The following DNAJA2 variants were observed in gnomAD, a reference collection of about 807,000 sequenced individuals.
DNAJA2 encodes dnaJ homolog subfamily A member 2.
Under a neutral mutation model 49.3 loss-of-function variants are expected in DNAJA2, and 6 were observed. The observed-to-expected ratio is 0.12, with a 90% CI of 0.07 to 0.24. The LOEUF is 0.24. Ranked by LOEUF, DNAJA2 falls within the 10% of genes least tolerant of loss-of-function variation. The pLI is 1.00. For synonymous variants in DNAJA2, 160 were observed against 172.7 expected, an observed-to-expected ratio of 0.93 and a Z score of 0.58; for missense variants, 347 against 516.8, an observed-to-expected ratio of 0.67 and a Z score of 3.19.
At position 46,971,724 on chromosome 16, in the gene DNAJA2, G is replaced by T. The variant is rs772840072; in HGVS notation, c.139-152C>A. 3.3e-5 allele frequency: 26 copies of T among 781,456 alleles called. No individual in the cohort carries two copies. In the African/African-American group the frequency reaches 4.3e-4, roughly 13 times the overall value. 48.4% of individuals were successfully genotyped at this position (781,456 alleles called of 1,614,324 possible). A position where few individuals can be genotyped will look rare whatever the true frequency, so the allele number is the denominator to read the frequency against. ...ATTCTGGTTCTATTTACCACCCACC[G>T]CTCCTCAGAATGGTAGTACTCTTAT... On this transcript the variant is annotated intron_variant, in intron 2 of 8. Coordinates refer to ENST00000317089, the MANE Select transcript of DNAJA2 (RefSeq NM_005880.4).
At chr16:46,959,216 A>G in intron 7 of DNAJA2, 59 bp downstream of exon 7, 3 of 1,581,950 alleles carry the variant, frequency 1.9e-6, no homozygotes, top group Non-Finnish European at 2.6e-6. Context: ...AAAAAATTAC[A>G]AATTGTAATT....
At position 46,973,598 on chromosome 16, in the gene DNAJA2, G is replaced by A. The variant is rs751896915; in HGVS notation, c.-26C>T. 6.9e-6 allele frequency: 11 copies of A among 1,588,668 alleles called. No homozygotes were observed. The highest frequency in any genetic ancestry group is 1.7e-5 in the Admixed American group (1 of 58,594). On this transcript the variant is annotated 5_prime_UTR_variant, in exon 1 of 9. Coordinates refer to ENST00000317089, the MANE Select transcript of DNAJA2 (RefSeq NM_005880.4). ...GGCGGCCGGCCGGGCAGTGCTCGGGGAGAAGGTGGCGAAGCAGACAGAGCG... is the reference window on the plus strand; with the variant it reads ...GGCGGCCGGCCGGGCAGTGCTCGGGAAGAAGGTGGCGAAGCAGACAGAGCG...
rs1201760050 is a variant in DNAJA2, at chr16:46,955,433, G to C, written c.*1596C>G. 6.6e-6 allele frequency: 1 copy of C among 152,188 alleles called. No individual in the cohort carries two copies. The highest frequency in any genetic ancestry group is 1.5e-5 in the Non-Finnish European group (1 of 68,030). The allele number at this position is 152,188 out of a possible 1,614,324, so 9.4% of individuals were successfully genotyped here. A position where few individuals can be genotyped will look rare whatever the true frequency, so the allele number is the denominator to read the frequency against. The stretch of plus-strand genomic sequence containing the variant: ...CCACCACATTTCTTATGTTTAAAGT[G>C]GTTGTGGGGAAGTAACCTTGGATAC... On this transcript the variant is annotated 3_prime_UTR_variant, in exon 9 of 9. Transcript: ENST00000317089.
At chr16:46,965,036 AGT>A (rs1961949318) in intron 5 of DNAJA2, among the ~76,000 whole-genome samples, 1 of 152,092 alleles carries the variant, frequency 6.6e-6, no homozygotes, top group South Asian at 2.1e-4. Context: ...CTAGCAACAC[AGT>A]GAGACCTTGC....
rs1961862603 is a variant in DNAJA2 at position 46,959,329 on chromosome 16, G to A, written c.865C>T (p.Leu289Phe). ...TTCACCACAATCTGACGTCCATCAA[G>A]GTGCTTAAATGTGAACTGAAATCCA... ...LCGFQFTFKHLDGRQIVVKYP... is the reference protein window; with the variant it reads ...LCGFQFTFKHFDGRQIVVKYP... Residue 289 changes from leucine to phenylalanine, a missense_variant, in exon 7 of 9, where the codon CTT (leucine) becomes TTT (phenylalanine). By Grantham distance (22) the Leu-to-Phe change is conservative. Coordinates refer to ENST00000317089, the MANE Select transcript of DNAJA2 (RefSeq NM_005880.4). 6.2e-7 allele frequency: 1 copy of A among 1,613,920 alleles called. No individual in the cohort carries two copies. The highest frequency in any genetic ancestry group is 1.1e-5 in the South Asian group (1 of 91,072).
chr16:46,965,816 G>A (rs1961961170), intron 5 of DNAJA2, among the ~76,000 whole-genome samples: 2 of 144,906 alleles, frequency 1.4e-5, no homozygotes, highest in South Asian at 4.3e-4. Context: ...GGGCAACAGA[G>A]CAAGACTCCG....
At chr16:46,970,457 A>T (rs1281989773) in intron 3 of DNAJA2, among the ~76,000 whole-genome samples, 1 of 152,232 alleles carries the variant, frequency 6.6e-6, no homozygotes, top group Non-Finnish European at 1.5e-5. Flanking sequence ...CTTCAAAGAA[A>T]ATAGGCTGGG....
rs1311194799 is a variant in DNAJA2, at chr16:46,957,018, G to GT, written c.*10dup. 1 of 1,613,998 alleles carries GT rather than the reference G, an allele frequency of 6.2e-7. No individual in the cohort carries two copies. The highest frequency in any genetic ancestry group is 1.3e-5 in the African/African-American group (1 of 74,926). On this transcript the variant is annotated 3_prime_UTR_variant, in exon 9 of 9. Coordinates refer to ENST00000317089, the MANE Select transcript of DNAJA2 (RefSeq NM_005880.4). ...GAAAGAAAATCCACCTGTGCAATTT[G>GT]TTTGCAGAGTTTACTGATGGGCACA... is the stretch of plus-strand genomic sequence containing the variant.
At position 46,971,939 on chromosome 16, in the gene DNAJA2, GCTAA is replaced by G; in HGVS notation, c.91_94del (p.Leu31ProfsTer19). On this transcript the variant is annotated frameshift_variant, in exon 2 of 9. Transcript: ENST00000317089. LOFTEE classifies it high-confidence loss of function. ...ATTCTTATCAGGATGATATTCCTTGGCTAACTTTCTGTATGCCTTTGAAAATGGA... is the reference window on the plus strand; with the variant it reads ...ATTCTTATCAGGATGATATTCCTTGGCTTTCTGTATGCCTTTGAAAATGGA... 6.2e-7 allele frequency: 1 copy of G among 1,612,374 alleles called. No homozygotes were observed. Among genetic ancestry groups the G allele is most frequent in the Non-Finnish European group, 8.5e-7 (1 of 1,178,820 alleles).
chr16:46,961,625 C>T (rs933168259), intron 6 of DNAJA2, among the ~76,000 whole-genome samples: 3 of 151,120 alleles, frequency 2.0e-5, no homozygotes, highest in Non-Finnish European at 4.4e-5. Context: ...ATACACATCA[C>T]GTTCTTGTAC....
chr16:46,959,657 G>A (rs545733082), intron 6 of DNAJA2: 2 of 432,410 alleles, frequency 4.6e-6, no homozygotes, highest in South Asian at 7.3e-5. Context: ...ATATATAAGA[G>A]CAACAGAACT....
At chr16:46,973,385 C>T in intron 1 of DNAJA2, 110 bp downstream of exon 1, 4 of 1,022,296 alleles carry the variant, frequency 3.9e-6, no homozygotes, top group Non-Finnish European at 5.0e-6. Flanking sequence ...GGGCCAGTCA[C>T]GGCCGGCGCC....
Position 46,956,005 on chromosome 16 carries a change from C to T in DNAJA2, c.*1024G>A, listed in dbSNP as rs1961804566. 1 of 152,112 alleles carries T rather than the reference C, an allele frequency of 6.6e-6. No homozygotes were observed. Among genetic ancestry groups the T allele is most frequent in the African/African-American group, 2.4e-5 (1 of 41,406 alleles). 9.4% of individuals were successfully genotyped at this position (152,112 alleles called of 1,614,324 possible). ...TAATAATCAATGGCTTCTCCAATTCCAAATATTCAACTTAATGGAGACAGC... is the reference window on the plus strand; with the variant it reads ...TAATAATCAATGGCTTCTCCAATTCTAAATATTCAACTTAATGGAGACAGC... On this transcript the variant is annotated 3_prime_UTR_variant, in exon 9 of 9. Transcript: ENST00000317089.
At position 46,957,217 on chromosome 16, in the gene DNAJA2, G is replaced by A. The variant is rs748577877; in HGVS notation, c.1051C>T (p.Leu351=). The A allele has an allele frequency of 1.3e-6, 2 of 1,585,526 alleles. No homozygotes were observed. The highest frequency in any genetic ancestry group is 1.2e-5 in the South Asian group (1 of 86,456). Residue 351 remains leucine, a synonymous_variant, in exon 9 of 9, where the codon CTA becomes TTA. Coordinates refer to ENST00000317089, the MANE Select transcript of DNAJA2 (RefSeq NM_005880.4). ...GGTCTAGATGGCAGAAGATCTTCTAGTTCCTTTATTAAAACAAACAAAAAC... is the reference window on the plus strand; with the variant it reads ...GGTCTAGATGGCAGAAGATCTTCTAATTCCTTTATTAAAACAAACAAAAAC... ...NWINPDKLSE[L]EDLLPSRPEV...
intron 6 of DNAJA2, among the ~76,000 whole-genome samples, chr16:46,963,153 T>A (rs1961922609): frequency 6.6e-6 from 1 of 152,156 alleles, no homozygotes; most frequent in Non-Finnish European, 1.5e-5. Flanking sequence ...TAGGGCAAAC[T>A]AAAAAGGTGG....
At chr16:46,968,663 T>C (rs1962007061) in intron 3 of DNAJA2, among the ~76,000 whole-genome samples, 1 of 152,188 alleles carries the variant, frequency 6.6e-6, no homozygotes, top group South Asian at 2.1e-4. Context: ...TACAAAGTTA[T>C]ATTTCGGCTT....
At chr16:46,959,550 C>T in intron 6 of DNAJA2, 131 bp from the exon 7 acceptor site, 1 of 809,052 alleles carries the variant, frequency 1.2e-6, no homozygotes, top group South Asian at 1.9e-5. Flanking sequence ...TGCCACTGTC[C>T]CTAGTGCCCT....
At chr16:46,965,649 G>A (rs533609315) in intron 5 of DNAJA2, among the ~76,000 whole-genome samples, 3 of 151,740 alleles carry the variant, frequency 2.0e-5, no homozygotes, top group South Asian at 2.1e-4. Flanking sequence ...TGGCCAACAC[G>A]GCAAAACCCC....
At chr16:46,966,894 C>T (rs1230868074) in intron 5 of DNAJA2, among the ~76,000 whole-genome samples, 1 of 152,042 alleles carries the variant, frequency 6.6e-6, no homozygotes, top group Non-Finnish European at 1.5e-5. Flanking sequence ...GATAGTCCTC[C>T]TATGGTGGTC....
Sources: gnomAD v4.1 joint callset for allele counts (sites outside exome capture counted in the v4.1 genomes callset) on GRCh38, gnomAD v4.1.1 for gene constraint, MANE v1.5 for transcripts, NCBI Gene and HGNC (gene_info 2026-07-23, HGNC 2026-07-21) for gene names.